Variants in LRRC4C observed in about 807,000 individuals in gnomAD.
LRRC4C encodes leucine rich repeat containing 4C.
A neutral mutation model predicts 33.6 loss-of-function variants in LRRC4C; 5 were observed. That is an observed-to-expected ratio of 0.15 (90% CI 0.08 to 0.31). The LOEUF is 0.31. LRRC4C is among the 10% of genes least tolerant of loss of function. LRRC4C has a pLI of 1.00. For missense variants in LRRC4C, 560 were observed against 796.7 expected (o/e 0.70, Z 3.58); for synonymous variants, 329 against 302.0 (o/e 1.09, Z -0.93).
chr11:41,134,124 G>A (rs960522427), intron 1 of LRRC4C, among the ~76,000 whole-genome samples: 1 of 152,050 alleles, frequency 6.6e-6, no homozygotes, highest in African/African-American at 2.4e-5. Context: ...TTGAGGTGGG[G>A]TCTCACTGTG....
rs573217373 is a variant in LRRC4C, at chr11:40,725,503, G to A, written c.-406-77225C>T. ...TGCACTCCAGCCTGGACAAAAGAGC[G>A]AGACTCTGTTTAAAAAAAAAAAAAA... On this transcript the variant is annotated intron_variant, in intron 2 of 6. Coordinates refer to ENST00000528697, the MANE Select transcript of LRRC4C (RefSeq NM_001258419.2). 2.3e-4 allele frequency among the ~76,000 whole-genome samples: 34 copies of A among 150,530 alleles called. 1 individual carries two copies. The South Asian group carries it at 6.7e-3, about 30-fold the overall frequency.
At position 41,437,422 on chromosome 11, in the gene LRRC4C, C is replaced by T. The variant is rs540180953; in HGVS notation, c.-496+22009G>A. Among the ~76,000 whole-genome samples the T allele has an allele frequency of 1.2e-4, 4 of 32,620 alleles. No homozygotes were observed. The South Asian group carries it at 1.7e-3, about 14-fold the overall frequency. 21.4% of individuals were successfully genotyped at this position (32,620 alleles called of 152,430 possible). ...ACGCACACACACAAACGCGCGCGCG[C>T]GCGCACACACACACACACACACACC... On this transcript the variant is annotated intron_variant, in intron 1 of 6. Transcript: ENST00000528697.
chr11:40,472,153 G>A (rs1307964454), intron 3 of LRRC4C, among the ~76,000 whole-genome samples: 1 of 151,954 alleles, frequency 6.6e-6, no homozygotes, highest in Non-Finnish European at 1.5e-5. Flanking sequence ...GGTTGCGCAT[G>A]CCTGTAGTCC....
chr11:40,530,262 T>C (rs1370927023), intron 3 of LRRC4C, among the ~76,000 whole-genome samples: 1 of 152,112 alleles, frequency 6.6e-6, no homozygotes, highest in Non-Finnish European at 1.5e-5. Context: ...AAGCAGGATG[T>C]TTAATCATTC....
chr11:40,589,176 A>G (rs974234816), intron 3 of LRRC4C, among the ~76,000 whole-genome samples: 6 of 152,060 alleles, frequency 3.9e-5, no homozygotes, highest in South Asian at 2.1e-4. Flanking sequence ...TTGGGTGCAT[A>G]TATATTTAGG....
chr11:41,250,001 TA>T (rs35746877), intron 1 of LRRC4C, among the ~76,000 whole-genome samples: 25 of 147,926 alleles, frequency 1.7e-4, no homozygotes, highest in South Asian at 8.6e-4. Flanking sequence ...CCATCTCTAC[TA>T]AAAAAAAAAA....
At chr11:40,252,460 G>C (rs986287535) in intron 4 of LRRC4C, among the ~76,000 whole-genome samples, 1 of 152,082 alleles carries the variant, frequency 6.6e-6, no homozygotes, top group Non-Finnish European at 1.5e-5. Flanking sequence ...TTATAGTTCT[G>C]AGTCAGCACA....
chr11:40,528,478 T>TTA (rs1956146047), intron 3 of LRRC4C, among the ~76,000 whole-genome samples: 1 of 137,938 alleles, frequency 7.2e-6, no homozygotes, highest in African/African-American at 2.7e-5. Context: ...ATGTCTTTTA[T>TTA]AAAAAAAAAA....
intron 2 of LRRC4C, among the ~76,000 whole-genome samples, chr11:40,746,952 C>G (rs905451132): frequency 2.2e-4 from 34 of 152,230 alleles, no homozygotes; most frequent in African/African-American, 8.0e-4. Flanking sequence ...CCGTGCCTCA[C>G]CAGCTGCCTA....
chr11:40,324,303 G>A (rs571134206), intron 3 of LRRC4C, among the ~76,000 whole-genome samples: 56 of 152,328 alleles, frequency 3.7e-4, no homozygotes, highest in African/African-American at 1.3e-3. Flanking sequence ...TAGAAGAAAG[G>A]TGAGTGGTTT....
At chr11:40,960,636 A>G (rs1850912716) in intron 1 of LRRC4C, among the ~76,000 whole-genome samples, 1 of 151,796 alleles carries the variant, frequency 6.6e-6, no homozygotes, top group Non-Finnish European at 1.5e-5. Context: ...TCTAGCACAG[A>G]AGAAAACTAA....
chr11:40,266,728 A>G lies in LRRC4C; in HGVS notation c.-175-25130T>C, dbSNP rs967612013. Among the ~76,000 whole-genome samples the G allele has an allele frequency of 3.3e-5, 5 of 152,312 alleles. No homozygotes were observed. The East Asian group carries it at 5.8e-4, about 18-fold the overall frequency. The stretch of plus-strand genomic sequence containing the variant: ...CTGACAACTCTCTAAGGCTGGTTTT[A>G]TTAACTCCATTCAAAGGTAAGAAAA... On this transcript the variant is annotated intron_variant, in intron 4 of 6. Coordinates refer to ENST00000528697, the MANE Select transcript of LRRC4C (RefSeq NM_001258419.2).
At chr11:40,536,471 C>A (rs577676232) in intron 3 of LRRC4C, among the ~76,000 whole-genome samples, 29 of 152,154 alleles carry the variant, frequency 1.9e-4, no homozygotes, top group Admixed American at 1.2e-3. Flanking sequence ...GGATTACAGG[C>A]GTGAGCCACC....
intron 6 of LRRC4C, among the ~76,000 whole-genome samples, chr11:40,124,970 AAT>A (rs150568234): frequency 1.7e-4 from 26 of 150,418 alleles, no homozygotes; most frequent in African/African-American, 2.2e-4. Flanking sequence ...TTAAAAAAAG[AAT>A]ATATATATAT....
intron 3 of LRRC4C, among the ~76,000 whole-genome samples, chr11:40,349,448 A>C (rs1947286445): frequency 6.6e-6 from 1 of 152,024 alleles, no homozygotes; most frequent in South Asian, 2.1e-4. Context: ...TATATGTACC[A>C]CATTTTCCTT....
At chr11:40,173,430 T>C (rs1860210091) in intron 5 of LRRC4C, among the ~76,000 whole-genome samples, 1 of 152,200 alleles carries the variant, frequency 6.6e-6, no homozygotes, top group African/African-American at 2.4e-5. Context: ...ATGCTCAAAA[T>C]ATATACAATA....
intron 1 of LRRC4C, among the ~76,000 whole-genome samples, chr11:41,364,542 C>T (rs555885410): frequency 1.3e-5 from 2 of 152,044 alleles, no homozygotes; most frequent in East Asian, 1.9e-4. Context: ...TCCCAAAGTG[C>T]GAGGATTACA....
intron 3 of LRRC4C, among the ~76,000 whole-genome samples, chr11:40,581,800 G>C (rs2135652058): frequency 6.6e-6 from 1 of 152,296 alleles, no homozygotes; most frequent in Admixed American, 6.5e-5. Context: ...CTACTCGGGA[G>C]CCTGAGGCAG....
chr11:41,241,517 G>A (rs1162864888), intron 1 of LRRC4C, among the ~76,000 whole-genome samples: 1 of 152,116 alleles, frequency 6.6e-6, no homozygotes, highest in Non-Finnish European at 1.5e-5. Context: ...AGTCAATGGA[G>A]AGTCAGAAAT....
Sources: gnomAD v4.1 joint callset for allele counts (sites outside exome capture counted in the v4.1 genomes callset) on GRCh38, gnomAD v4.1.1 for gene constraint, MANE v1.5 for transcripts, NCBI Gene and HGNC (gene_info 2026-07-23, HGNC 2026-07-21) for gene names.